PDE10A: variants seen among roughly 807,000 people sequenced by gnomAD.
The protein encoded by PDE10A is phosphodiesterase 10A.
In PDE10A, 39 loss-of-function variants were observed where a neutral mutation model predicts 97.7. The ratio of observed to expected loss-of-function variants is 0.40; its 90% CI spans 0.31 to 0.52. The LOEUF (loss-of-function observed/expected upper bound fraction) is 0.52, where lower values mean the gene tolerates loss of function less well. Among genes scored for constraint, PDE10A ranks in the 20% least tolerant of loss-of-function variants. PDE10A has a pLI of 0.56. For missense variants in PDE10A, 731 were observed against 1,047.8 expected, an observed-to-expected ratio of 0.70 and a Z score of 4.17; for synonymous variants, 371 against 376.8, an observed-to-expected ratio of 0.98 and a Z score of 0.18.
At chr6:165,342,886 G>T (rs1202423663) in intron 19 of PDE10A, among the ~76,000 whole-genome samples, 1 of 152,166 alleles carries the variant, frequency 6.6e-6, no homozygotes, top group Non-Finnish European at 1.5e-5. Flanking sequence ...TGTTGTTTCA[G>T]GAGTATTATG....
At chr6:165,741,154 G>T (rs1329689344) in intron 1 of PDE10A, among the ~76,000 whole-genome samples, 1 of 152,064 alleles carries the variant, frequency 6.6e-6, no homozygotes, top group Non-Finnish European at 1.5e-5. Flanking sequence ...GTAACTATAT[G>T]AGGTACTGGA....
chr6:165,421,438 G>A (rs968162567), intron 10 of PDE10A, among the ~76,000 whole-genome samples: 3 of 150,956 alleles, frequency 2.0e-5, no homozygotes, highest in African/African-American at 4.9e-5. Context: ...GCAAGACCCC[G>A]TCTCAAAAAC....
intron 1 of PDE10A, among the ~76,000 whole-genome samples, chr6:165,579,714 T>G (rs1785506673): frequency 6.6e-6 from 1 of 152,104 alleles, no homozygotes; most frequent in Non-Finnish European, 1.5e-5. Context: ...CTAAAAACCC[T>G]CCAACATCCC....
chr6:165,888,474 C>T (rs1401046392), intron 1 of PDE10A, among the ~76,000 whole-genome samples: 1 of 151,994 alleles, frequency 6.6e-6, no homozygotes, highest in Non-Finnish European at 1.5e-5. Context: ...TTAGTAGATA[C>T]AGGGTTTCAC....
chr6:165,645,165 G>A lies in PDE10A; in HGVS notation c.865+16782C>T, dbSNP rs573697827. Among the ~76,000 whole-genome samples the A allele has an allele frequency of 1.9e-4, 29 of 152,242 alleles. No homozygotes were observed. The South Asian group carries it at 5.4e-3, about 28-fold the overall frequency. ...CTTGCTGCTTTCATCCAGCACCCCTGCCAGGGCCAGGAGAGCCCACTCGAT... is the reference window on the plus strand; with the variant it reads ...CTTGCTGCTTTCATCCAGCACCCCTACCAGGGCCAGGAGAGCCCACTCGAT... On this transcript the variant is annotated intron_variant, in intron 1 of 21. Transcript: ENST00000539869.
chr6:165,362,099 T>A (rs1234732074), intron 18 of PDE10A, among the ~76,000 whole-genome samples: 2 of 151,910 alleles, frequency 1.3e-5, no homozygotes, highest in Non-Finnish European at 2.9e-5. Context: ...GAAGAAATAA[T>A]TCAAATTAAT....
chr6:165,484,507 T>C (rs1779789634), intron 2 of PDE10A, among the ~76,000 whole-genome samples: 1 of 152,218 alleles, frequency 6.6e-6, no homozygotes, highest in Admixed American at 6.5e-5. Context: ...ATCTAGGCTG[T>C]GTGCTCCTTA....
At chr6:165,638,888 C>G (rs944328798) in intron 1 of PDE10A, among the ~76,000 whole-genome samples, 3 of 152,164 alleles carry the variant, frequency 2.0e-5, no homozygotes, top group Non-Finnish European at 2.9e-5. Context: ...CATTATATAA[C>G]AATAAGGCTT....
intron 18 of PDE10A, among the ~76,000 whole-genome samples, chr6:165,349,389 G>A (rs1303905241): frequency 7.9e-6 from 1 of 126,190 alleles, no homozygotes; most frequent in Admixed American, 8.0e-5. Context: ...GAGACTGGTG[G>A]CATGTTGCCC....
intron 1 of PDE10A, among the ~76,000 whole-genome samples, chr6:165,892,323 C>A (rs947677257): frequency 6.6e-6 from 1 of 152,180 alleles, no homozygotes; most frequent in African/African-American, 2.4e-5. Context: ...AGGCTGGACT[C>A]CCCCCTCTTC....
At chr6:165,633,818 T>C (rs1043018515) in intron 1 of PDE10A, among the ~76,000 whole-genome samples, 1 of 151,362 alleles carries the variant, frequency 6.6e-6, no homozygotes, top group African/African-American at 2.4e-5. Flanking sequence ...CGTATTTTTA[T>C]AGAGATGAGG....
At chr6:165,795,375 G>A (rs1053129995) in intron 1 of PDE10A, among the ~76,000 whole-genome samples, 10 of 152,100 alleles carry the variant, frequency 6.6e-5, no homozygotes, top group African/African-American at 2.2e-4. Context: ...GGTGCCCAGC[G>A]TGAGTGACGG....
At chr6:165,927,769 T>C (rs1483163582) in intron 1 of PDE10A, among the ~76,000 whole-genome samples, 3 of 149,096 alleles carry the variant, frequency 2.0e-5, no homozygotes, top group Admixed American at 6.7e-5. Context: ...CCATCTCGGC[T>C]CACTGTAACC....
At chr6:165,484,111 C>T (rs1355620027) in intron 2 of PDE10A, among the ~76,000 whole-genome samples, 1 of 152,208 alleles carries the variant, frequency 6.6e-6, no homozygotes, top group Non-Finnish European at 1.5e-5. Flanking sequence ...TAGTATTCTA[C>T]TTAACTGAGA....
chr6:165,486,516 A>C lies in PDE10A; in HGVS notation c.995-4173T>G, dbSNP rs184459083. 3.7e-4 allele frequency among the ~76,000 whole-genome samples: 56 copies of C among 152,274 alleles called. No homozygotes were observed. The East Asian group carries it at 9.1e-3, about 25-fold the overall frequency. Reference sequence around the variant, plus strand: ...ATAGAGAAAGGCTGGCGAGCTGAAAAATGTCACGTGAACAACGTTCAGCAG... The same window carrying C: ...ATAGAGAAAGGCTGGCGAGCTGAAACATGTCACGTGAACAACGTTCAGCAG... On this transcript the variant is annotated intron_variant, in intron 2 of 21. Coordinates refer to ENST00000539869, the MANE Select transcript of PDE10A (RefSeq NM_001385079.1).
In PDE10A at chr6:165,396,332, C is replaced by A. The variant is rs1786158110; in HGVS notation, c.2204G>T (p.Cys735Phe). 6.2e-7 allele frequency: 1 copy of A among 1,612,632 alleles called. No homozygotes were observed. ...ACATACTTACAATTCAATTTCTTTGCAGAGACGCACGGGAAGGGTGAATTG... is the reference window on the plus strand; with the variant it reads ...ACATACTTACAATTCAATTTCTTTGAAGAGACGCACGGGAAGGGTGAATTG... Reference protein sequence around the residue: ...LMQFTLPVRLCKEIELFHFDI... With the variant: ...LMQFTLPVRLFKEIELFHFDI... Residue 735 changes from cysteine (C) to phenylalanine (F), a missense_variant, in exon 14 of 22, where the codon TGC becomes TTC. Coordinates refer to ENST00000539869, the MANE Select transcript of PDE10A (RefSeq NM_001385079.1).
chr6:165,855,307 G>T (rs74878952), intron 1 of PDE10A, among the ~76,000 whole-genome samples: 9 of 5,320 alleles, frequency 1.7e-3, no homozygotes, highest in Non-Finnish European at 3.2e-3. Context: ...GGAAGTGGCG[G>T]GGGGGGGGGG....
rs539010351 is a variant in PDE10A, at chr6:165,474,461, TAA to T, written c.1023+7852_1023+7853del. Reference sequence around the variant, plus strand: ...TCATATAAACTTTTTTCCTTCTGTGTAAACTTAGCATTGCTCTTCCAGTTCGA... The same window carrying T: ...TCATATAAACTTTTTTCCTTCTGTGTACTTAGCATTGCTCTTCCAGTTCGA... On this transcript the variant is annotated intron_variant, in intron 3 of 21. Coordinates refer to ENST00000539869, the MANE Select transcript of PDE10A (RefSeq NM_001385079.1). 1.5e-3 allele frequency among the ~76,000 whole-genome samples: 232 copies of T among 152,316 alleles called. 1 individual carries two copies. Among genetic ancestry groups the T allele is most frequent in the African/African-American group, 5.2e-3 (216 of 41,568 alleles).
chr6:165,809,999 A>AG (rs2128467107), intron 1 of PDE10A, among the ~76,000 whole-genome samples: 1 of 152,316 alleles, frequency 6.6e-6, no homozygotes, highest in South Asian at 2.1e-4. Context: ...AGCGCTTGGC[A>AG]GGCAGGCCTT....
Sources: allele counts gnomAD v4.1 joint callset (sites outside exome capture counted in the v4.1 genomes callset), GRCh38; gene constraint gnomAD v4.1.1; transcripts MANE v1.5; gene names NCBI Gene and HGNC (gene_info 2026-07-23, HGNC 2026-07-21).